OR1I1: variants seen among roughly 807,000 people sequenced by gnomAD.
OR1I1 encodes the protein olfactory receptor family 1 subfamily I member 1.
For synonymous variants in OR1I1, 171 were observed against 181.4 expected, an observed-to-expected ratio of 0.94 and a Z score of 0.46; for missense variants, 451 against 443.6, an observed-to-expected ratio of 1.02 and a Z score of -0.15.
In OR1I1 at chr19:15,089,478, C is replaced by A; in HGVS notation, c.*1345C>A. On this transcript the variant is annotated 3_prime_UTR_variant, in exon 2 of 2. Transcript: ENST00000641398. ...GTCAGCCACAGCAGATCAGGTGGCC[C>A]GGGGCACTTAAAAAGTTAGTGTTAT... 1 of 152,082 alleles carries A rather than the reference C, an allele frequency of 6.6e-6. No homozygotes were observed. 9.4% of individuals were successfully genotyped at this position (152,082 alleles called of 1,614,324 possible). A position where few individuals can be genotyped will look rare whatever the true frequency, so the allele number is the denominator to read the frequency against.
chr19:15,083,005 C>T (rs1240658036), intron 1 of OR1I1, among the ~76,000 whole-genome samples: 1 of 151,664 alleles, frequency 6.6e-6, no homozygotes, highest in South Asian at 2.1e-4. Context: ...AGGGATCTTC[C>T]TATGTTGCCC....
rs149878733 is a variant in OR1I1 at position 15,089,076 on chromosome 19, G to GTAGATAGATAGATAGATAGA, written c.*947_*966dup. On this transcript the variant is annotated 3_prime_UTR_variant, in exon 2 of 2. Transcript: ENST00000641398. ...GGATAGATAGAGATAGAGGAGGTAG[G>GTAGATAGATAGATAGATAGA]TAGATAGATAGATAGATAGATAGGT... is the stretch of plus-strand genomic sequence containing the variant. 2 of 151,362 alleles carry GTAGATAGATAGATAGATAGA rather than the reference G, an allele frequency of 1.3e-5. No individual in the cohort carries two copies. Among genetic ancestry groups the GTAGATAGATAGATAGATAGA allele is most frequent in the African/African-American group, 4.8e-5 (2 of 41,312 alleles). 9.4% of individuals were successfully genotyped at this position (151,362 alleles called of 1,614,324 possible).
Position 15,090,541 on chromosome 19 carries a change from A to G in OR1I1, c.*2408A>G, listed in dbSNP as rs1193584622. The G allele has an allele frequency of 6.6e-6, 1 of 152,072 alleles. No individual in the cohort carries two copies. The highest frequency in any genetic ancestry group is 6.6e-5 in the Admixed American group (1 of 15,250). The allele number at this position is 152,072 out of a possible 1,614,324, so 9.4% of individuals were successfully genotyped here. On this transcript the variant is annotated 3_prime_UTR_variant, in exon 2 of 2. Transcript: ENST00000641398. The stretch of plus-strand genomic sequence containing the variant: ...GACTCTTAACCTCCAGAACTGTAAG[A>G]CAACAAATTTCTATTGTTTAAGTCA...
At chr19:15,084,412 G>T (rs578227157) in intron 1 of OR1I1, among the ~76,000 whole-genome samples, 13 of 152,226 alleles carry the variant, frequency 8.5e-5, no homozygotes, top group Non-Finnish European at 1.3e-4. Flanking sequence ...ACAAAAATTA[G>T]CCATGCGTGG....
intron 1 of OR1I1, among the ~76,000 whole-genome samples, chr19:15,086,084 GC>G (rs1381445418): frequency 6.6e-6 from 1 of 152,126 alleles, no homozygotes; most frequent in Non-Finnish European, 1.5e-5. Flanking sequence ...GGAGTCCAAG[GC>G]GGGTAGATCA....
Position 15,092,082 on chromosome 19 carries a change from A to T in OR1I1, c.*3949A>T, listed in dbSNP as rs1323338496. ...AATGTCATTTCACAAATTGGATTTA[A>T]AACGCTTTTTTTTTTTTTTTTTTTT... On this transcript the variant is annotated 3_prime_UTR_variant, in exon 2 of 2. Transcript: ENST00000641398. The T allele has an allele frequency of 8.7e-6, 1 of 114,636 alleles. No homozygotes were observed. Among genetic ancestry groups the T allele is most frequent in the Non-Finnish European group, 1.6e-5 (1 of 61,886 alleles). The allele number at this position is 114,636 out of a possible 1,614,324, so 7.1% of individuals were successfully genotyped here.
At chr19:15,082,361 A>T (rs1330042385) in intron 1 of OR1I1, 85 bp downstream of exon 1, 1 of 148,818 alleles carries the variant, frequency 6.7e-6, no homozygotes, top group African/African-American at 2.5e-5. Context: ...GCTTCCCGGG[A>T]CCCTCCCCTT....
rs760677097 is a variant in OR1I1 at position 15,087,596 on chromosome 19, C to T, written c.531C>T (p.Phe177=). The T allele has an allele frequency of 6.2e-7, 1 of 1,614,066 alleles. No individual in the cohort carries two copies. The highest frequency in any genetic ancestry group is 1.1e-5 in the South Asian group (1 of 91,080). The change falls in exon 2 of 2, where the codon TTC becomes TTT. Residue 177 remains phenylalanine (F), a synonymous_variant. Transcript: ENST00000641398. ...GCGCCGGCTCTGAAATCTCCCACTT[C>T]TTCTGTGACCTCATGCCCCTGCTGA... is the stretch of plus-strand genomic sequence containing the variant. ...TFCAGSEISH[F]FCDLMPLLKL...
Position 15,087,374 on chromosome 19 carries a change from CTTCCACCTG to C in OR1I1, c.313_321del (p.His105_Phe107del). ...TGGGCTGCCTCACCCAGATGTATGCCTTCCACCTGTTCGGGACCATGGACAGCTTTCTCC... is the reference window on the plus strand; with the variant it reads ...TGGGCTGCCTCACCCAGATGTATGCCTTCGGGACCATGGACAGCTTTCTCC... On this transcript the variant is annotated inframe_deletion, in exon 2 of 2. Coordinates refer to ENST00000641398, the MANE Select transcript of OR1I1 (RefSeq NM_001004713.2). The C allele has an allele frequency of 6.2e-7, 1 of 1,614,216 alleles. No individual in the cohort carries two copies. Among genetic ancestry groups the C allele is most frequent in the South Asian group, 1.1e-5 (1 of 91,086 alleles).
rs1555718125 is a variant in OR1I1, at chr19:15,092,134, T to TTTTTTTTTTTTTTTTTTTTTTTC, written c.*4001_*4002insTTTTTTTTTTTTTTTTTTTTTTC. ...TTGGTTTTTGGTTGTTTTTTTTTTT[T>TTTTTTTTTTTTTTTTTTTTTTTC]CCCCGGAAACTTGTATTCTAGCTGT... On this transcript the variant is annotated 3_prime_UTR_variant, in exon 2 of 2. Coordinates refer to ENST00000641398, the MANE Select transcript of OR1I1 (RefSeq NM_001004713.2). 7.9e-6 allele frequency: 1 copy of TTTTTTTTTTTTTTTTTTTTTTTC among 126,022 alleles called. No individual in the cohort carries two copies. The highest frequency in any genetic ancestry group is 1.6e-5 in the Non-Finnish European group (1 of 62,326). The allele number at this position is 126,022 out of a possible 1,614,324, so 7.8% of individuals were successfully genotyped here.
rs1237996094 is a variant in OR1I1 at position 15,087,644 on chromosome 19, C to A, written c.579C>A (p.His193Gln). ...PLLKLSGSDT[H>Q]TNELVIFAFG... Reference sequence around the variant, plus strand: ...TGAAGCTCTCCGGCTCAGACACGCACACCAACGAGCTGGTGATCTTTGCTT... The same window carrying A: ...TGAAGCTCTCCGGCTCAGACACGCAAACCAACGAGCTGGTGATCTTTGCTT... The change falls in exon 2 of 2, where the codon CAC becomes CAA. Residue 193 changes from histidine to glutamine, a missense_variant. Coordinates refer to ENST00000641398, the MANE Select transcript of OR1I1 (RefSeq NM_001004713.2). The A allele has an allele frequency of 6.2e-7, 1 of 1,614,090 alleles. No homozygotes were observed. The highest frequency in any genetic ancestry group is 8.5e-7 in the Non-Finnish European group (1 of 1,180,046).
At chr19:15,086,949 G>T (rs1195034205) in intron 1 of OR1I1, 104 bp from the exon 2 acceptor site, 2 of 1,443,292 alleles carry the variant, frequency 1.4e-6, no homozygotes, top group Admixed American at 2.9e-5. Flanking sequence ...TGGATTTGAT[G>T]GAATTTTCAC....
intron 1 of OR1I1, among the ~76,000 whole-genome samples, chr19:15,085,141 T>C (rs1320181606): frequency 5.1e-5 from 1 of 19,456 alleles, no homozygotes; most frequent in Non-Finnish European, 9.5e-5. Flanking sequence ...TATATATATA[T>C]ATATATATAT....
Position 15,087,750 on chromosome 19 carries a change from C to T in OR1I1, c.685C>T (p.Pro229Ser). The change falls in exon 2 of 2, where the codon CCT (proline) becomes TCT (serine). Residue 229 changes from proline (P) to serine (S), a missense_variant. Pro to Ser is a moderately conservative substitution (Grantham distance 74). Transcript: ENST00000641398. ...CATTTTCTGGACAGTCTTTAAGATC[C>T]CTTCTACTCGGGGCAAGTGGAAAGC... is the stretch of plus-strand genomic sequence containing the variant. ...IRIFWTVFKI[P>S]STRGKWKAFS... The T allele has an allele frequency of 6.2e-7, 1 of 1,614,232 alleles. No homozygotes were observed. The highest frequency in any genetic ancestry group is 2.2e-5 in the East Asian group (1 of 44,882).
At chr19:15,086,664 C>A (rs1047874812) in intron 1 of OR1I1, among the ~76,000 whole-genome samples, 4 of 151,930 alleles carry the variant, frequency 2.6e-5, no homozygotes, top group African/African-American at 4.8e-5. Context: ...CCATGTTGGC[C>A]AGGCTGGTCT....
Position 15,092,814 on chromosome 19 carries a change from A to C in OR1I1, c.*4681A>C, listed in dbSNP as rs568391046. The C allele has an allele frequency of 1.4e-4, 22 of 152,200 alleles. No individual in the cohort carries two copies. Among genetic ancestry groups the C allele is most frequent in the African/African-American group, 5.3e-4 (22 of 41,524 alleles). The allele number at this position is 152,200 out of a possible 1,614,324, so 9.4% of individuals were successfully genotyped here. On this transcript the variant is annotated 3_prime_UTR_variant, in exon 2 of 2. Coordinates refer to ENST00000641398, the MANE Select transcript of OR1I1 (RefSeq NM_001004713.2). ...AGTTCGAGACTGGAGTGGGCAACATAGTGAGACCTCCCCCATCTCTACAAA... is the reference window on the plus strand; with the variant it reads ...AGTTCGAGACTGGAGTGGGCAACATCGTGAGACCTCCCCCATCTCTACAAA...
intron 1 of OR1I1, among the ~76,000 whole-genome samples, chr19:15,084,704 C>CGT (rs1160988187): frequency 6.6e-6 from 1 of 151,734 alleles, no homozygotes; most frequent in East Asian, 1.9e-4. Flanking sequence ...ACGTCCTGCA[C>CGT]GTGTATCCTG....
intron 1 of OR1I1, among the ~76,000 whole-genome samples, chr19:15,085,170 A>ATTTTTTTT (rs1568321906): frequency 5.2e-5 from 1 of 19,332 alleles, no homozygotes; most frequent in African/African-American, 1.2e-4. Context: ...ATATATATAT[A>ATTTTTTTT]TATATATTTT....
In OR1I1 at chr19:15,085,162, ATATATATATATATATT is replaced by A. The variant is rs1476960490; in HGVS notation, c.-13-1889_-13-1874del. ...TATATATATATATATATATATATAT[ATATATATATATATATT>A]TTTTTTTTTGAGACAGAGTTTCGCT... On this transcript the variant is annotated intron_variant, in intron 1 of 1. Transcript: ENST00000641398. 5.8e-5 allele frequency among the ~76,000 whole-genome samples: 2 copies of A among 34,762 alleles called. 1 individual carries two copies. Among genetic ancestry groups the A allele is most frequent in the Non-Finnish European group, 1.0e-4 (2 of 19,526 alleles). The allele number at this position is 34,762 out of a possible 152,430, so 22.8% of individuals were successfully genotyped here.
Sources: gnomAD v4.1 joint callset for allele counts (sites outside exome capture counted in the v4.1 genomes callset) on GRCh38, gnomAD v4.1.1 for gene constraint, MANE v1.5 for transcripts, NCBI Gene and HGNC (gene_info 2026-07-23, HGNC 2026-07-21) for gene names.